Variants in ATF2 observed in about 807,000 individuals in gnomAD.
ATF2 encodes cyclic AMP-dependent transcription factor ATF-2.
Under a neutral mutation model 60.6 loss-of-function variants are expected in ATF2, and 24 were observed. The ratio of observed to expected loss-of-function variants is 0.40; its 90% CI spans 0.29 to 0.56. ATF2 has a LOEUF of 0.56. Among genes scored for constraint, ATF2 ranks in the 20% least tolerant of loss-of-function variants. The pLI, the probability that ATF2 is intolerant of heterozygous loss-of-function variation, is 0.54. For synonymous variants in ATF2, 206 were observed against 215.4 expected (o/e 0.96, Z 0.38); for missense variants, 433 against 607.7 (o/e 0.71, Z 3.02).
chr2:175,122,641 G>A (rs1025972149), intron 4 of ATF2, among the ~76,000 whole-genome samples: 35 of 151,948 alleles, frequency 2.3e-4, no homozygotes, highest in Admixed American at 1.1e-3. Context: ...TCCACTATCC[G>A]TCTGCCTGTA....
chr2:175,167,676 C>T, intron 1 of ATF2: 1 of 505,850 alleles, frequency 2.0e-6, no homozygotes, highest in Admixed American at 2.1e-5. Context: ...GCTGACTCGA[C>T]GCGCGCCCCG....
At chr2:175,127,273 AT>A (rs1434436846) in intron 4 of ATF2, 1 of 154,084 alleles carries the variant, frequency 6.5e-6, no homozygotes, top group East Asian at 1.9e-4. Context: ...AGTAAATCTG[AT>A]TTACCAGAAA....
rs146410799 is a variant in ATF2, at chr2:175,114,829, T to C, written c.487A>G (p.Ile163Val). Residue 163 changes from isoleucine to valine, a missense_variant, in exon 8 of 14, where the codon ATT becomes GTT. By Grantham distance (29) the Ile-to-Val change is conservative (BLOSUM62 3). Coordinates refer to ENST00000264110, the MANE Select transcript of ATF2 (RefSeq NM_001880.4). Reference protein sequence around the residue: ...LAQTAQPTSAIVRPASLQVPN... With the variant: ...LAQTAQPTSAVVRPASLQVPN... Reference sequence around the variant, plus strand: ...ACCTGTAATGATGCTGGACGAACAATAGCTGATGTGGGCTGTGCAGTTTGT... The same window carrying C: ...ACCTGTAATGATGCTGGACGAACAACAGCTGATGTGGGCTGTGCAGTTTGT... The C allele has an allele frequency of 1.0e-4, 166 of 1,613,942 alleles. No homozygotes were observed. Among genetic ancestry groups the C allele is most frequent in the East Asian group, 2.7e-4 (12 of 44,858 alleles).
In ATF2 at chr2:175,074,825, T is replaced by C. The variant is rs754913663; in HGVS notation, c.1302A>G (p.Lys434=). Reference sequence around the variant, plus strand: ...CTGAAATGTCTTCTGAACTATCATCTTTATCAGCAGCTGGGTGGAAAAAAG... The same window carrying C: ...CTGAAATGTCTTCTGAACTATCATCCTTATCAGCAGCTGGGTGGAAAAAAG... ...QKKSGYHTAD[K]DDSSEDISVP... is the part of the protein sequence containing the mutation. The change falls in exon 14 of 14, where the codon AAA becomes AAG. Residue 434 remains lysine, a synonymous_variant. Transcript: ENST00000264110. 1.2e-6 allele frequency: 2 copies of C among 1,613,456 alleles called. No individual in the cohort carries two copies. The highest frequency in any genetic ancestry group is 1.7e-6 in the Non-Finnish European group (2 of 1,179,600).
intron 3 of ATF2, among the ~76,000 whole-genome samples, chr2:175,135,654 A>G (rs1159888347): frequency 6.6e-6 from 1 of 152,240 alleles, no homozygotes; most frequent in Admixed American, 6.5e-5. Flanking sequence ...CCATTAGAAG[A>G]AATTTAATAA....
chr2:175,092,040 A>G (rs1002360183), intron 12 of ATF2, among the ~76,000 whole-genome samples: 1 of 152,228 alleles, frequency 6.6e-6, no homozygotes. Flanking sequence ...TATTTGTTCT[A>G]TCATGTCAAT....
chr2:175,082,552 G>A (rs886537123), intron 12 of ATF2, among the ~76,000 whole-genome samples: 3 of 152,130 alleles, frequency 2.0e-5, no homozygotes, highest in African/African-American at 7.2e-5. Flanking sequence ...ATTAAATCCT[G>A]TAACAGGAAA....
intron 10 of ATF2, among the ~76,000 whole-genome samples, chr2:175,104,074 G>A (rs1316049844): frequency 2.0e-5 from 3 of 149,052 alleles, no homozygotes; most frequent in African/African-American, 7.4e-5. Context: ...AGAAAAGAAA[G>A]ATCTTATTTC....
chr2:175,103,849 A>T (rs1374472085), intron 10 of ATF2, among the ~76,000 whole-genome samples: 1 of 152,180 alleles, frequency 6.6e-6, no homozygotes, highest in Non-Finnish European at 1.5e-5. Flanking sequence ...GCTTAACGAC[A>T]AACAAAACCC....
chr2:175,167,938 G>A (rs1700481730), intron 1 of ATF2, 112 bp downstream of exon 1: 2 of 353,540 alleles, frequency 5.7e-6, no homozygotes, highest in South Asian at 2.1e-5. Flanking sequence ...CACCCGAGGT[G>A]ATGGGAAACG....
Position 175,111,753 on chromosome 2 carries a change from A to T in ATF2, c.742-99T>A, listed in dbSNP as rs1696206259. ...AATAATTTGAGACTTTAAGAATCAG[A>T]ACATTGTAAATTTATCACCAGCTGA... On this transcript the variant is annotated intron_variant, in intron 9 of 13. Transcript: ENST00000264110. The T allele has an allele frequency of 2.9e-6, 3 of 1,030,280 alleles. No individual in the cohort carries two copies. In the South Asian group the frequency reaches 4.9e-5, roughly 17 times the overall value. 63.8% of individuals were successfully genotyped at this position (1,030,280 alleles called of 1,614,324 possible). A position where few individuals can be genotyped will look rare whatever the true frequency, so the allele number is the denominator to read the frequency against.
At chr2:175,119,023 A>G (rs1696770828) in intron 5 of ATF2, among the ~76,000 whole-genome samples, 1 of 151,658 alleles carries the variant, frequency 6.6e-6, no homozygotes, top group Non-Finnish European at 1.5e-5. Context: ...TTAATTCCTA[A>G]GGAGTAAAGA....
At chr2:175,165,017 T>C (rs1700259212) in intron 1 of ATF2, among the ~76,000 whole-genome samples, 1 of 152,116 alleles carries the variant, frequency 6.6e-6, no homozygotes, top group South Asian at 2.1e-4. Flanking sequence ...CCAACGTGGT[T>C]TCACCATGTT....
chr2:175,110,762 C>T (rs886383255), intron 10 of ATF2, among the ~76,000 whole-genome samples: 4 of 152,164 alleles, frequency 2.6e-5, no homozygotes, highest in African/African-American at 9.6e-5. Flanking sequence ...TGCACCACCA[C>T]GCTCGGCTAA....
At chr2:175,152,328 A>G (rs1323485661) in intron 1 of ATF2, among the ~76,000 whole-genome samples, 1 of 152,204 alleles carries the variant, frequency 6.6e-6, no homozygotes, top group African/African-American at 2.4e-5. Flanking sequence ...GACCAGAATG[A>G]CAACATAAGA....
chr2:175,083,475 A>ACAC (rs1317666324), intron 12 of ATF2, among the ~76,000 whole-genome samples: 2 of 151,454 alleles, frequency 1.3e-5, no homozygotes, highest in Non-Finnish European at 3.0e-5. Context: ...TCCCTTCCTT[A>ACAC]CTTATACAAA....
chr2:175,083,170 A>C (rs1185856371), intron 12 of ATF2, among the ~76,000 whole-genome samples: 2 of 151,950 alleles, frequency 1.3e-5, no homozygotes, highest in Non-Finnish European at 2.9e-5. Flanking sequence ...TGGAACCAAA[A>C]AAGAGCCTGC....
chr2:175,149,991 A>C (rs1387447288), intron 2 of ATF2, among the ~76,000 whole-genome samples: 1 of 152,180 alleles, frequency 6.6e-6, no homozygotes, highest in African/African-American at 2.4e-5. Context: ...ACTTCAGGGT[A>C]TGATGACACA....
At chr2:175,129,564 C>T (rs1346993865) in intron 4 of ATF2, among the ~76,000 whole-genome samples, 1 of 151,850 alleles carries the variant, frequency 6.6e-6, no homozygotes, top group Non-Finnish European at 1.5e-5. Context: ...CTATACATTA[C>T]ATTTATTCTT....
Sources: gnomAD v4.1 joint callset for allele counts (sites outside exome capture counted in the v4.1 genomes callset) on GRCh38, gnomAD v4.1.1 for gene constraint, MANE v1.5 for transcripts, NCBI Gene and HGNC (gene_info 2026-07-23, HGNC 2026-07-21) for gene names.